Variants in STX12 observed in about 807,000 individuals in gnomAD.
STX12 encodes the protein syntaxin-12.
In STX12, 17 loss-of-function variants were observed where a neutral mutation model predicts 42.2. That is an observed-to-expected ratio of 0.40 (90% CI 0.28 to 0.60). The LOEUF is 0.60. Ranked by LOEUF, STX12 falls within the 20% of genes least tolerant of loss-of-function variation. The probability of loss-of-function intolerance (pLI) is 0.39; values close to 1 mark genes in which losing one functional copy is unlikely to be tolerated. For missense variants in STX12, 297 were observed against 330.9 expected, an observed-to-expected ratio of 0.90 and a Z score of 0.79; for synonymous variants, 108 against 116.7, an observed-to-expected ratio of 0.93 and a Z score of 0.48.
chr1:27,780,820 C>T (rs1315620990), intron 1 of STX12, among the ~76,000 whole-genome samples: 2 of 151,660 alleles, frequency 1.3e-5, no homozygotes, highest in Non-Finnish European at 2.9e-5. Flanking sequence ...GGTGTGGTGG[C>T]ACACACCTGT....
chr1:27,821,597 G>GTATTA (rs1557809591), intron 8 of STX12, among the ~76,000 whole-genome samples: 1 of 150,858 alleles, frequency 6.6e-6, no homozygotes, highest in African/African-American at 2.4e-5. Context: ...AGTTTTATAC[G>GTATTA]TATTATAAAA....
At chr1:27,820,897 C>A (rs923293700) in intron 8 of STX12, among the ~76,000 whole-genome samples, 4 of 151,848 alleles carry the variant, frequency 2.6e-5, no homozygotes, top group Non-Finnish European at 5.9e-5. Flanking sequence ...AATTGGAAAT[C>A]ATCATTCTCA....
intron 1 of STX12, among the ~76,000 whole-genome samples, chr1:27,781,300 T>C (rs950109597): frequency 3.3e-5 from 5 of 152,108 alleles, no homozygotes; most frequent in African/African-American, 4.8e-5. Flanking sequence ...CACTGCAGCC[T>C]CCCAAAGTGC....
chr1:27,814,166 T>G (rs926928948), intron 6 of STX12, among the ~76,000 whole-genome samples: 2 of 152,228 alleles, frequency 1.3e-5, no homozygotes, highest in African/African-American at 4.8e-5. Context: ...ATGATTATTT[T>G]ATTGCCTTCA....
At chr1:27,790,827 G>T (rs2088735315) in intron 2 of STX12, among the ~76,000 whole-genome samples, 1 of 152,108 alleles carries the variant, frequency 6.6e-6, no homozygotes, top group Admixed American at 6.6e-5. Flanking sequence ...TGTAATCCCA[G>T]CTACTCAGGA....
chr1:27,780,326 A>C (rs2088660045), intron 1 of STX12, among the ~76,000 whole-genome samples: 1 of 148,510 alleles, frequency 6.7e-6, no homozygotes, highest in Non-Finnish European at 1.5e-5. Flanking sequence ...CTCCTGCCTC[A>C]GCCTCCCCAG....
chr1:27,791,565 C>T (rs2088741348), intron 2 of STX12, among the ~76,000 whole-genome samples: 1 of 152,218 alleles, frequency 6.6e-6, no homozygotes, highest in Non-Finnish European at 1.5e-5. Context: ...CCTGTAATCC[C>T]AGCACTCTGG....
At chr1:27,777,059 CT>C (rs2088632541) in intron 1 of STX12, among the ~76,000 whole-genome samples, 1 of 152,208 alleles carries the variant, frequency 6.6e-6, no homozygotes, top group African/African-American at 2.4e-5. Context: ...AATCCCTCCC[CT>C]GATTGTGTGT....
chr1:27,811,454 T>TA (rs1410513967), intron 5 of STX12, among the ~76,000 whole-genome samples: 1 of 152,086 alleles, frequency 6.6e-6, no homozygotes, highest in Non-Finnish European at 1.5e-5. Flanking sequence ...AAGAATTTTT[T>TA]AAAAAGTGTT....
At chr1:27,817,105 G>A (rs764416607) in intron 6 of STX12, among the ~76,000 whole-genome samples, 1 of 151,468 alleles carries the variant, frequency 6.6e-6, no homozygotes, top group Admixed American at 6.6e-5. Context: ...AAAAGAAAGG[G>A]AGGGAGAGAA....
At chr1:27,801,935 A>T in intron 4 of STX12, 120 bp downstream of exon 4, 1 of 1,268,830 alleles carries the variant, frequency 7.9e-7, no homozygotes, top group Non-Finnish European at 1.1e-6. Flanking sequence ...TGAAAATGGC[A>T]GGTTGGTGTA....
chr1:27,806,675 A>G (rs1379093972), intron 4 of STX12, among the ~76,000 whole-genome samples: 1 of 152,212 alleles, frequency 6.6e-6, no homozygotes, highest in African/African-American at 2.4e-5. Flanking sequence ...CATTTTATCT[A>G]TCTGTATTAG....
intron 6 of STX12, among the ~76,000 whole-genome samples, chr1:27,815,242 A>G (rs2088933420): frequency 6.6e-6 from 1 of 152,212 alleles, no homozygotes; most frequent in South Asian, 2.1e-4. Context: ...GTTATAGCAA[A>G]GTGGAGTGAG....
intron 4 of STX12, among the ~76,000 whole-genome samples, chr1:27,803,529 A>G (rs780203474): frequency 2.0e-5 from 3 of 152,208 alleles, no homozygotes; most frequent in Non-Finnish European, 2.9e-5. Context: ...CTGTCAGCAC[A>G]TCTTATTGAA....
Position 27,800,641 on chromosome 1 carries a change from GCC to G in STX12, c.289-1034_289-1033del, listed in dbSNP as rs2088821930. On this transcript the variant is annotated intron_variant, in intron 3 of 8. Transcript: ENST00000373943. The stretch of plus-strand genomic sequence containing the variant: ...CCTTCCAGGGTCAAATGATCCTCCT[GCC>G]CCAGCCTCTGAGTAGCTGATGTGTA... 8.6e-5 allele frequency among the ~76,000 whole-genome samples: 13 copies of G among 151,936 alleles called. No homozygotes were observed. In the South Asian group the frequency reaches 2.7e-3, roughly 32 times the overall value.
intron 4 of STX12, among the ~76,000 whole-genome samples, chr1:27,803,736 G>T (rs2088841019): frequency 6.6e-6 from 1 of 152,212 alleles, no homozygotes; most frequent in Non-Finnish European, 1.5e-5. Flanking sequence ...AGGCGTGGTG[G>T]CTCACACCTG....
rs570743429 is a variant in STX12 at position 27,774,358 on chromosome 1, TCAG to T, written c.118+941_118+943del. ...ATCTTGGAGCCTTATAAACAGGAGATCAGCAGCAGCTTTACTTGGAAAGAATGG... is the reference window on the plus strand; with the variant it reads ...ATCTTGGAGCCTTATAAACAGGAGATCAGCAGCTTTACTTGGAAAGAATGG... On this transcript the variant is annotated intron_variant, in intron 1 of 8. Coordinates refer to ENST00000373943, the MANE Select transcript of STX12 (RefSeq NM_177424.3). Among the ~76,000 whole-genome samples the T allele has an allele frequency of 6.6e-5, 10 of 152,336 alleles. No individual in the cohort carries two copies. In the East Asian group the frequency reaches 1.9e-3, roughly 29 times the overall value.
In STX12 at chr1:27,773,263, C is replaced by G; in HGVS notation, c.-45C>G. The stretch of plus-strand genomic sequence containing the variant: ...TGCGGGTCCCGGCTGGCGGCTGCTT[C>G]CGGTAGGAGAGCGGTGTAGAGCGAG... On this transcript the variant is annotated 5_prime_UTR_variant, in exon 1 of 9. Coordinates refer to ENST00000373943, the MANE Select transcript of STX12 (RefSeq NM_177424.3). The G allele has an allele frequency of 2.9e-6, 4 of 1,357,516 alleles. No homozygotes were observed. The highest frequency in any genetic ancestry group is 3.6e-4 in the Middle Eastern group (2 of 5,518). 84.1% of individuals were successfully genotyped at this position (1,357,516 alleles called of 1,614,324 possible). A position where few individuals can be genotyped will look rare whatever the true frequency, so the allele number is the denominator to read the frequency against.
intron 3 of STX12, among the ~76,000 whole-genome samples, chr1:27,798,669 G>A (rs1454328660): frequency 4.6e-5 from 6 of 129,426 alleles, no homozygotes; most frequent in Admixed American, 1.7e-4. Context: ...AAAAAATCGC[G>A]CCACTGCACT....
Sources: allele counts gnomAD v4.1 joint callset (sites outside exome capture counted in the v4.1 genomes callset), GRCh38; gene constraint gnomAD v4.1.1; transcripts MANE v1.5; gene names NCBI Gene and HGNC (gene_info 2026-07-23, HGNC 2026-07-21).